The following LPIN1 variants were observed in gnomAD, a reference collection of about 807,000 sequenced individuals.
The protein encoded by LPIN1 is phosphatidate phosphatase LPIN1.
A neutral mutation model predicts 107.5 loss-of-function variants in LPIN1; 71 were observed. The ratio of observed to expected loss-of-function variants is 0.66; its 90% CI spans 0.55 to 0.80. The LOEUF is 0.80. Ranked by LOEUF, LPIN1 falls within the 30% of genes least tolerant of loss-of-function variation. The pLI is 0.00. For missense variants in LPIN1, 1,043 were observed against 1,160.6 expected (o/e 0.90, Z 1.47); for synonymous variants, 445 against 452.6 (o/e 0.98, Z 0.21).
At chr2:11,762,293 C>T (rs914849425) in intron 1 of LPIN1, among the ~76,000 whole-genome samples, 2 of 152,132 alleles carry the variant, frequency 1.3e-5, no homozygotes, top group Non-Finnish European at 2.9e-5. Flanking sequence ...AGCACTGCCA[C>T]GCGTTCACCA....
intron 2 of LPIN1, among the ~76,000 whole-genome samples, chr2:11,714,547 C>T (rs953835604): frequency 2.0e-5 from 3 of 152,206 alleles, no homozygotes; most frequent in East Asian, 3.9e-4. Context: ...CCTTTCTCCT[C>T]GGGCCTTCAC....
At chr2:11,688,425 G>A (rs1662114208) in intron 1 of LPIN1, among the ~76,000 whole-genome samples, 1 of 152,226 alleles carries the variant, frequency 6.6e-6, no homozygotes. Flanking sequence ...ACAGTCTTCA[G>A]ACTTCAGGAC....
At chr2:11,768,261 C>T (rs189041179) in intron 3 of LPIN1, among the ~76,000 whole-genome samples, 4 of 152,208 alleles carry the variant, frequency 2.6e-5, no homozygotes, top group South Asian at 4.1e-4. Context: ...ATCACATATA[C>T]ACAATTTACC....
intron 1 of LPIN1, among the ~76,000 whole-genome samples, chr2:11,684,745 C>T (rs1416921277): frequency 6.7e-6 from 1 of 148,518 alleles, no homozygotes; most frequent in Non-Finnish European, 1.5e-5. Context: ...CTCCCTCCCT[C>T]CCTTCCTTCC....
intron 12 of LPIN1, among the ~76,000 whole-genome samples, chr2:11,791,026 G>C (rs753657028): frequency 6.6e-6 from 1 of 152,024 alleles, no homozygotes; most frequent in Non-Finnish European, 1.5e-5. Context: ...GTGGATTTAG[G>C]GGAAATAGGG....
At chr2:11,693,792 A>ATATATATGTG (rs1338435998) in intron 1 of LPIN1, among the ~76,000 whole-genome samples, 3 of 21,112 alleles carry the variant, frequency 1.4e-4, no homozygotes, top group African/African-American at 5.2e-4. Flanking sequence ...GAGTGTGTAT[A>ATATATATGTG]TATATATATA....
intron 3 of LPIN1, 79 bp downstream of exon 3, chr2:11,767,937 T>A (rs373722598): frequency 1.3e-5 from 12 of 924,134 alleles, no homozygotes; most frequent in East Asian, 4.9e-5. Context: ...CGGCAGAAGT[T>A]TGTGCAAAGT....
upstream of LPIN1, among the ~76,000 whole-genome samples, chr2:11,743,347 G>A (rs919415480): frequency 2.6e-5 from 4 of 152,146 alleles, no homozygotes; most frequent in African/African-American, 4.8e-5. This position sits in a 1 kb window ranked among gnomAD's most constrained non-coding sequence, Gnocchi z 4.7. Flanking sequence ...TTTGCTCTCC[G>A]AGGATCACTG....
intron 1 of LPIN1, among the ~76,000 whole-genome samples, chr2:11,761,782 A>G (rs1392413801): frequency 1.3e-5 from 2 of 152,106 alleles, no homozygotes; most frequent in East Asian, 1.9e-4. Flanking sequence ...AACTTGAAAG[A>G]CCAAGGCTTT....
At chr2:11,820,816 C>A (rs1681383606) in intron 20 of LPIN1, among the ~76,000 whole-genome samples, 1 of 152,102 alleles carries the variant, frequency 6.6e-6, no homozygotes, top group African/African-American at 2.4e-5. Context: ...GTTTGAAAGC[C>A]TAGAATGTGA....
chr2:11,767,706 G>T, intron 2 of LPIN1, 57 bp from the exon 3 acceptor site: 3 of 1,093,606 alleles, frequency 2.7e-6, no homozygotes, highest in Non-Finnish European at 2.8e-6. Flanking sequence ...GTCCCCATGA[G>T]GTCTCCTGTC....
chr2:11,793,504 C>T (rs966436928), intron 13 of LPIN1, among the ~76,000 whole-genome samples: 10 of 152,210 alleles, frequency 6.6e-5, no homozygotes, highest in South Asian at 2.1e-4. Context: ...GTCCTTACCA[C>T]GGCCTACAGT....
At chr2:11,764,756 T>A (rs914021748) in intron 1 of LPIN1, among the ~76,000 whole-genome samples, 2 of 152,242 alleles carry the variant, frequency 1.3e-5, no homozygotes, top group Non-Finnish European at 2.9e-5. Flanking sequence ...CTACTATGAT[T>A]GGCACGATGG....
chr2:11,759,133 T>TTTTCTTTTCTTTC (rs1669146276), intron 1 of LPIN1, among the ~76,000 whole-genome samples: 5 of 131,534 alleles, frequency 3.8e-5, no homozygotes, highest in African/African-American at 1.2e-4. Context: ...GCTTTCTTTC[T>TTTTCTTTTCTTTC]TTTCTTTCTT....
At position 11,824,702 on chromosome 2, in the gene LPIN1, C is replaced by A. The variant is rs763125102; in HGVS notation, c.2692C>A (p.Pro898Thr). Residue 898 changes from proline (P) to threonine (T), a missense_variant, in exon 21 of 21, where the codon CCC becomes ACC. Transcript: ENST00000674199. ...GAAAAGAAGCCATTCTTCAGACTTT[C>A]CCTGTTCGGATACCTTCAGTAACTT... is the stretch of plus-strand genomic sequence containing the variant. ...LLKRSHSSDF[P>T]CSDTFSNFTF... is the part of the protein sequence containing the mutation. 1 of 1,614,050 alleles carries A rather than the reference C, an allele frequency of 6.2e-7. No individual in the cohort carries two copies. The highest frequency in any genetic ancestry group is 8.5e-7 in the Non-Finnish European group (1 of 1,180,042).
intron 14 of LPIN1, among the ~76,000 whole-genome samples, chr2:11,802,142 T>A (rs1036224093): frequency 6.6e-6 from 1 of 152,180 alleles, no homozygotes; most frequent in African/African-American, 2.4e-5. Flanking sequence ...AAGATAGTGG[T>A]CCTGGGAGGC....
At chr2:11,813,934 A>T (rs1318596835) in intron 17 of LPIN1, among the ~76,000 whole-genome samples, 1 of 152,146 alleles carries the variant, frequency 6.6e-6, no homozygotes, top group Non-Finnish European at 1.5e-5. Flanking sequence ...AAACAAAAAA[A>T]AAAAGTGAAA....
intron 1 of LPIN1, chr2:11,724,613 G>A (rs1321224345): frequency 4.1e-6 from 4 of 985,514 alleles, no homozygotes; most frequent in Non-Finnish European, 4.8e-6. Context: ...CCTTCTGATG[G>A]GGAGATGAGA....
intron 1 of LPIN1, among the ~76,000 whole-genome samples, chr2:11,687,821 G>A (rs1309664447): frequency 1.3e-5 from 2 of 152,256 alleles, no homozygotes; most frequent in African/African-American, 2.4e-5. Flanking sequence ...GGTGGCTTGT[G>A]ACATGCACTT....
Sources: allele counts gnomAD v4.1 joint callset (sites outside exome capture counted in the v4.1 genomes callset), GRCh38; gene constraint gnomAD v4.1.1; non-coding constraint Gnocchi (gnomAD v3.1); transcripts MANE v1.5; gene names NCBI Gene and HGNC (gene_info 2026-07-23, HGNC 2026-07-21).